The following IL19 variants were observed in gnomAD, a reference collection of about 807,000 sequenced individuals.
The protein encoded by IL19 is interleukin-19.
In IL19, 15 loss-of-function variants were observed where a neutral mutation model predicts 19.5. That is an observed-to-expected ratio of 0.77 (90% CI 0.52 to 1.19). The LOEUF (loss-of-function observed/expected upper bound fraction) is 1.19. Ranked by LOEUF, IL19 falls within the 50% of genes most tolerant of loss-of-function variation. IL19 has a pLI of 0.00. For missense variants in IL19, 199 were observed against 213.1 expected (o/e 0.93, Z 0.41); for synonymous variants, 78 against 78.3 (o/e 1.00, Z 0.02).
intron 2 of IL19, among the ~76,000 whole-genome samples, chr1:206,825,261 A>G (rs1407670025): frequency 6.6e-6 from 1 of 152,218 alleles, no homozygotes; most frequent in African/African-American, 2.4e-5. Flanking sequence ...TTAAACATTG[A>G]TCATACTACA....
intron 1 of IL19, among the ~76,000 whole-genome samples, chr1:206,784,097 A>G (rs967446113): frequency 6.6e-6 from 1 of 152,218 alleles, no homozygotes; most frequent in Admixed American, 6.5e-5. Context: ...CAGAGAAGTC[A>G]GTCTCATAGT....
At chr1:206,829,992 G>T (rs1676547184) in intron 2 of IL19, among the ~76,000 whole-genome samples, 3 of 152,222 alleles carry the variant, frequency 2.0e-5, no homozygotes, top group Non-Finnish European at 4.4e-5. Flanking sequence ...TAAGTCCTCA[G>T]CTTCCTGGGT....
In IL19 at chr1:206,842,965, C is replaced by T. The variant is rs1677069824; in HGVS notation, c.*343C>T. Reference sequence around the variant, plus strand: ...CTGAGTGGTTTTTCTGAATAAATTCCATATTTTACCTATGAATGGAAGGAT... The same window carrying T: ...CTGAGTGGTTTTTCTGAATAAATTCTATATTTTACCTATGAATGGAAGGAT... On this transcript the variant is annotated 3_prime_UTR_variant, in exon 7 of 7. Transcript: ENST00000659997. 2 of 162,342 alleles carry T rather than the reference C, an allele frequency of 1.2e-5. No individual in the cohort carries two copies. Among genetic ancestry groups the T allele is most frequent in the African/African-American group, 4.8e-5 (2 of 41,936 alleles). 10.1% of individuals were successfully genotyped at this position (162,342 alleles called of 1,614,324 possible).
intron 2 of IL19, among the ~76,000 whole-genome samples, chr1:206,831,066 A>G (rs550395599): frequency 4.5e-4 from 68 of 152,308 alleles, no homozygotes; most frequent in Middle Eastern, 3.4e-3. Context: ...GGCAATAGGC[A>G]TGGTACCCTC....
chr1:206,797,712 G>T, intron 1 of IL19, among the ~76,000 whole-genome samples: 1 of 152,146 alleles, frequency 6.6e-6, no homozygotes, highest in East Asian at 1.9e-4. Flanking sequence ...GTGGCCAAAG[G>T]AGGACAGCAG....
chr1:206,835,002 G>A (rs768440535), intron 2 of IL19, among the ~76,000 whole-genome samples: 2 of 152,194 alleles, frequency 1.3e-5, no homozygotes, highest in African/African-American at 4.8e-5. Context: ...AGAAAATTAC[G>A]TAAAATTCTT....
intron 1 of IL19, among the ~76,000 whole-genome samples, chr1:206,779,325 C>T (rs201488098): frequency 6.6e-6 from 1 of 152,222 alleles, no homozygotes; most frequent in Non-Finnish European, 1.5e-5. Flanking sequence ...ACGTCCTCAC[C>T]ACCTGCTTCT....
chr1:206,819,732 T>G (rs1203713290), intron 2 of IL19, among the ~76,000 whole-genome samples: 1 of 152,224 alleles, frequency 6.6e-6, no homozygotes, highest in African/African-American at 2.4e-5. Context: ...AGCTTTTTCC[T>G]GGGCTATGTA....
intron 1 of IL19, among the ~76,000 whole-genome samples, chr1:206,778,141 G>A (rs1675052717): frequency 6.6e-6 from 1 of 152,228 alleles, no homozygotes; most frequent in African/African-American, 2.4e-5. Flanking sequence ...CGGATTAAGC[G>A]CCCTTCCGAG....
intron 6 of IL19, among the ~76,000 whole-genome samples, chr1:206,841,635 G>T (rs1371583682): frequency 1.3e-5 from 2 of 152,210 alleles, no homozygotes; most frequent in African/African-American, 4.8e-5. Flanking sequence ...TCTGCATTTA[G>T]ATCACACTGT....
At chr1:206,840,354 T>A (rs1325010965) in intron 5 of IL19, 1 of 386,742 alleles carries the variant, frequency 2.6e-6, no homozygotes, top group African/African-American at 2.1e-5. Context: ...TCAATAAACC[T>A]CTGGGTAGTT....
rs1677057704 is a variant in IL19, at chr1:206,842,656, A to G, written c.*34A>G. 7.7e-7 allele frequency: 1 copy of G among 1,305,194 alleles called. No individual in the cohort carries two copies. The highest frequency in any genetic ancestry group is 1.3e-5 in the South Asian group (1 of 78,674). 80.9% of individuals were successfully genotyped at this position (1,305,194 alleles called of 1,614,324 possible). A position where few individuals can be genotyped will look rare whatever the true frequency, so the allele number is the denominator to read the frequency against. On this transcript the variant is annotated 3_prime_UTR_variant, in exon 7 of 7. Transcript: ENST00000659997. ...AACCTGTATAGTGATCCAGGGATGA[A>G]CACCCCCTGTGCGGTTTACTGTGGG...
chr1:206,840,955 G>C (rs1240894134), intron 5 of IL19, 49 bp from the exon 6 acceptor site: 1 of 1,471,822 alleles, frequency 6.8e-7, no homozygotes, highest in Admixed American at 1.7e-5. Flanking sequence ...GTAAGAGAGG[G>C]CCAGAGTGGA....
intron 1 of IL19, among the ~76,000 whole-genome samples, chr1:206,773,540 C>T (rs1039325065): frequency 6.6e-6 from 1 of 151,874 alleles, no homozygotes; most frequent in Admixed American, 6.6e-5. Context: ...TCTTACCTAT[C>T]CCTACTTCCC....
chr1:206,795,749 T>C (rs1675506911), intron 1 of IL19, among the ~76,000 whole-genome samples: 1 of 152,126 alleles, frequency 6.6e-6, no homozygotes, highest in Non-Finnish European at 1.5e-5. Flanking sequence ...CCTCAAGTTA[T>C]CCCCCATAGC....
intron 1 of IL19, among the ~76,000 whole-genome samples, chr1:206,779,249 C>T (rs1271083187): frequency 6.6e-6 from 1 of 152,206 alleles, no homozygotes; most frequent in Non-Finnish European, 1.5e-5. Context: ...TAAACCATCA[C>T]AGCTATGCTT....
chr1:206,834,411 C>A lies in IL19; in HGVS notation c.-2-2250C>A, dbSNP rs555879302. On this transcript the variant is annotated intron_variant, in intron 2 of 6. Coordinates refer to ENST00000659997, the MANE Select transcript of IL19 (RefSeq NM_153758.5). ...AGCACCAAGTGAGAGGTGAGGCTCA[C>A]GCTGTCCGTCATCAGGGGCTCCTAT... 3.4e-5 allele frequency: 34 copies of A among 985,642 alleles called. 1 individual carries two copies. In the South Asian group the frequency reaches 1.5e-3, roughly 42 times the overall value. The allele number at this position is 985,642 out of a possible 1,614,324, so 61.1% of individuals were successfully genotyped here.
At chr1:206,808,138 C>A (rs1675899363) in intron 2 of IL19, among the ~76,000 whole-genome samples, 1 of 152,290 alleles carries the variant, frequency 6.6e-6, no homozygotes, top group East Asian at 1.9e-4. Context: ...CAAGACCAGC[C>A]TGGCCAACAT....
rs1676999607 is a variant in IL19 at position 206,841,047 on chromosome 1, C to G, written c.407C>G (p.Ala136Gly). The G allele has an allele frequency of 6.2e-7, 1 of 1,613,898 alleles. No homozygotes were observed. Among genetic ancestry groups the G allele is most frequent in the African/African-American group, 1.3e-5 (1 of 74,900 alleles). ...QCHCRQEATN[A>G]TRVIHDNYDQ... ...CACTGCAGGCAGGAAGCCACCAATG[C>G]CACCAGAGTCATCCATGACAACTAT... Residue 136 changes from alanine to glycine, a missense_variant, in exon 6 of 7, where the codon GCC (alanine) becomes GGC (glycine). Ala to Gly is a moderately conservative substitution (Grantham distance 60). Coordinates refer to ENST00000659997, the MANE Select transcript of IL19 (RefSeq NM_153758.5).
Sources: allele counts gnomAD v4.1 joint callset (sites outside exome capture counted in the v4.1 genomes callset), GRCh38; gene constraint gnomAD v4.1.1; transcripts MANE v1.5; gene names NCBI Gene and HGNC (gene_info 2026-07-23, HGNC 2026-07-21).